Variants in PHTF1 observed in about 807,000 individuals in gnomAD.
The protein encoded by PHTF1 is protein PHTF1.
A neutral mutation model predicts 102.4 loss-of-function variants in PHTF1; 88 were observed. The ratio of observed to expected loss-of-function variants is 0.86; its 90% CI spans 0.72 to 1.03. PHTF1 has a LOEUF of 1.03. PHTF1 is among the 50% of genes least tolerant of loss of function. The probability of loss-of-function intolerance (pLI) is 0.00; values close to 1 mark genes in which losing one functional copy is unlikely to be tolerated. For missense variants in PHTF1, 814 were observed against 909.5 expected (o/e 0.89, Z 1.35); for synonymous variants, 289 against 305.2 (o/e 0.95, Z 0.55).
rs751717672 is a variant in PHTF1 at position 113,705,880 on chromosome 1, C to A, written c.1671+10G>T. On this transcript the variant is annotated intron_variant, in intron 13 of 18. Transcript: ENST00000369604. ...AACAGGTAAAAAATTTTCCTTATTT[C>A]TCCACTGACCTGTTTATATGTTCTC... is the stretch of plus-strand genomic sequence containing the variant. The A allele has an allele frequency of 6.3e-7, 1 of 1,597,798 alleles. No homozygotes were observed.
upstream of PHTF1, among the ~76,000 whole-genome samples, chr1:113,759,643 G>A (rs1659432359): frequency 6.6e-6 from 1 of 152,252 alleles, no homozygotes; most frequent in Non-Finnish European, 1.5e-5. Context: ...GAGTCGCGCG[G>A]CATATCGATG....
chr1:113,717,593 T>C (rs1346489437), intron 7 of PHTF1, among the ~76,000 whole-genome samples: 1 of 152,160 alleles, frequency 6.6e-6, no homozygotes, highest in Non-Finnish European at 1.5e-5. Context: ...ATGCTGCTGA[T>C]GAAAACATAC....
intron 3 of PHTF1, among the ~76,000 whole-genome samples, chr1:113,749,024 T>C (rs1219189767): frequency 6.6e-6 from 1 of 152,204 alleles, no homozygotes; most frequent in Non-Finnish European, 1.5e-5. Context: ...ACATGGTTAT[T>C]ATTTGTGTGG....
chr1:113,715,562 C>T (rs1385728778), intron 7 of PHTF1, among the ~76,000 whole-genome samples: 1 of 136,276 alleles, frequency 7.3e-6, no homozygotes, highest in East Asian at 2.3e-4. Flanking sequence ...GCAGGAGGAT[C>T]ACTTGAGCCT....
At chr1:113,744,063 G>A (rs752305666) in intron 3 of PHTF1, among the ~76,000 whole-genome samples, 1 of 152,194 alleles carries the variant, frequency 6.6e-6, no homozygotes, top group Admixed American at 6.5e-5. Flanking sequence ...GGCATTATGA[G>A]TGGATTTCCT....
chr1:113,743,172 A>AT (rs960307628), intron 3 of PHTF1, among the ~76,000 whole-genome samples: 18 of 152,114 alleles, frequency 1.2e-4, no homozygotes, highest in African/African-American at 3.9e-4. Flanking sequence ...AAGCTTTATA[A>AT]TTTTTTTAAC....
intron 5 of PHTF1, among the ~76,000 whole-genome samples, chr1:113,731,535 T>A (rs974533760): frequency 6.2e-5 from 9 of 144,364 alleles, no homozygotes; most frequent in Non-Finnish European, 1.3e-4. Flanking sequence ...CGTCTCTATT[T>A]TAAAAAAAAG....
chr1:113,713,658 A>C (rs1651518841), intron 7 of PHTF1: 4 of 473,514 alleles, frequency 8.4e-6, no homozygotes, highest in Non-Finnish European at 1.5e-5. Context: ...CATGTCAATT[A>C]ACTGAAAGGA....
At position 113,738,783 on chromosome 1, in the gene PHTF1, G is replaced by T. The variant is rs368409808; in HGVS notation, c.119C>A (p.Pro40Gln). 16 of 1,598,846 alleles carry T rather than the reference G, an allele frequency of 1.0e-5. No homozygotes were observed. The African/African-American group carries it at 2.0e-4, about 20-fold the overall frequency. Residue 40 changes from proline to glutamine, a missense_variant, in exon 4 of 19, where the codon CCG becomes CAG. Pro to Gln is a moderately conservative substitution (Grantham distance 76, BLOSUM62 -1). Coordinates refer to ENST00000369604, the MANE Select transcript of PHTF1 (RefSeq NM_001323043.2). ...QTQIKGLKNK[P>Q]KKMGHIKPDL... ...TGGCTTTATGTGGCCCATCTTTTTC[G>T]GTTTGTTTTTCAAACCCTAGGATAA...
intron 5 of PHTF1, among the ~76,000 whole-genome samples, chr1:113,735,865 T>G (rs1655408506): frequency 6.6e-6 from 1 of 152,200 alleles, no homozygotes. Context: ...AATTCATATC[T>G]TTTTGCAGAG....
chr1:113,699,723 A>G lies in PHTF1; in HGVS notation c.2123T>C (p.Leu708Pro), dbSNP rs752468686. The G allele has an allele frequency of 8.3e-6, 12 of 1,444,778 alleles. No individual in the cohort carries two copies. The South Asian group carries it at 1.2e-4, about 14-fold the overall frequency. 89.5% of individuals were successfully genotyped at this position (1,444,778 alleles called of 1,614,324 possible). A position where few individuals can be genotyped will look rare whatever the true frequency, so the allele number is the denominator to read the frequency against. Residue 708 changes from leucine (L) to proline (P), a missense_variant, in exon 17 of 19, where the codon CTG becomes CCG. By Grantham distance (98) the Leu-to-Pro change is moderately conservative (BLOSUM62 -3). Coordinates refer to ENST00000369604, the MANE Select transcript of PHTF1 (RefSeq NM_001323043.2). ...QLTLVNNVLK[L>P]STKLLKELDT... The stretch of plus-strand genomic sequence containing the variant: ...ACTTACTTTCAACAACTTGGTGGAC[A>G]GCTTTAATACATTGTTTACTAGAGT...
chr1:113,738,348 T>C (rs2101600288), intron 4 of PHTF1, 80 bp from the exon 5 acceptor site: 1 of 1,048,988 alleles, frequency 9.5e-7, no homozygotes, highest in Admixed American at 2.4e-5. Context: ...ACATTAAAAA[T>C]AGGTGAGTGC....
chr1:113,706,854 T>A, intron 11 of PHTF1, 132 bp from the exon 12 acceptor site: 30 of 229,276 alleles, frequency 1.3e-4, no homozygotes, highest in East Asian at 1.7e-4. Context: ...TTTCTTTCTT[T>A]TTTTTTTTTT....
intron 13 of PHTF1, among the ~76,000 whole-genome samples, chr1:113,705,171 G>A (rs868694031): frequency 3.9e-5 from 6 of 152,352 alleles, no homozygotes; most frequent in South Asian, 2.1e-4. Flanking sequence ...TGGGCATGGT[G>A]GCTCACGCCC....
chr1:113,697,523 T>C lies in PHTF1; in HGVS notation c.*182A>G, dbSNP rs1284684641. ...AGCATGAAAATACAGGTTTTTAGCATGCACACCCAGTTGGAAAAGGACTTG... is the reference window on the plus strand; with the variant it reads ...AGCATGAAAATACAGGTTTTTAGCACGCACACCCAGTTGGAAAAGGACTTG... On this transcript the variant is annotated 3_prime_UTR_variant, in exon 19 of 19. Transcript: ENST00000369604. The C allele has an allele frequency of 1.4e-5, 8 of 559,378 alleles. No individual in the cohort carries two copies. The highest frequency in any genetic ancestry group is 6.7e-5 in the South Asian group (3 of 44,952). The allele number at this position is 559,378 out of a possible 1,614,324, so 34.7% of individuals were successfully genotyped here.
At chr1:113,735,630 A>G (rs1655379190) in intron 5 of PHTF1, among the ~76,000 whole-genome samples, 1 of 152,178 alleles carries the variant, frequency 6.6e-6, no homozygotes, top group Non-Finnish European at 1.5e-5. Flanking sequence ...CAATAGCCAC[A>G]TATGGCTAAG....
At chr1:113,743,081 T>A (rs1656673424) in intron 3 of PHTF1, among the ~76,000 whole-genome samples, 1 of 152,218 alleles carries the variant, frequency 6.6e-6, no homozygotes, top group Non-Finnish European at 1.5e-5. Flanking sequence ...CTCAAAGTGC[T>A]AGAATTACAG....
chr1:113,700,837 G>T lies in PHTF1; in HGVS notation c.2003C>A (p.Thr668Asn). The change falls in exon 16 of 19, where the codon ACC becomes AAC. Residue 668 changes from threonine (T) to asparagine (N), a missense_variant. Thr to Asn is a moderately conservative substitution (Grantham distance 65, BLOSUM62 0). Transcript: ENST00000369604. ...LLRLASLGSE[T>N]NKKYSNVSIL... is the part of the protein sequence containing the mutation. The stretch of plus-strand genomic sequence containing the variant: ...TGAAACATTGCTGTATTTCTTATTG[G>T]TTTCAGACCCCAGTGAGGCCAGACG... 6 of 1,613,556 alleles carry T rather than the reference G, an allele frequency of 3.7e-6. No homozygotes were observed. The highest frequency in any genetic ancestry group is 5.1e-6 in the Non-Finnish European group (6 of 1,179,752).
At chr1:113,698,159 ACAC>A in intron 18 of PHTF1, 100 bp downstream of exon 18, 1 of 104,882 alleles carries the variant, frequency 9.5e-6, no homozygotes, top group Non-Finnish European at 1.7e-5. Context: ...AGAAACACAC[ACAC>A]ACACACACAC....
Sources: gnomAD v4.1 joint callset for allele counts (sites outside exome capture counted in the v4.1 genomes callset) on GRCh38, gnomAD v4.1.1 for gene constraint, MANE v1.5 for transcripts, NCBI Gene and HGNC (gene_info 2026-07-23, HGNC 2026-07-21) for gene names.